Variants in TPR observed in about 807,000 individuals in gnomAD.
The protein encoded by TPR is translocated promoter region, nuclear basket protein.
In TPR, 51 loss-of-function variants were observed where a neutral mutation model predicts 316.1. The observed-to-expected ratio is 0.16, with a 90% CI of 0.13 to 0.20. TPR has a LOEUF of 0.20. Ranked by LOEUF, TPR falls within the 10% of genes least tolerant of loss-of-function variation. The pLI, the probability that TPR is intolerant of heterozygous loss-of-function variation, is 1.00. For missense variants in TPR, 2,272 were observed against 2,754.8 expected, an observed-to-expected ratio of 0.82 and a Z score of 3.92; for synonymous variants, 981 against 914.7, an observed-to-expected ratio of 1.07 and a Z score of -1.31.
At chr1:186,351,582 G>A (rs1658863332) in intron 19 of TPR, 112 bp from the exon 20 acceptor site, 3 of 1,148,758 alleles carry the variant, frequency 2.6e-6, no homozygotes, top group Non-Finnish European at 3.5e-6. Context: ...ACATGAAGCA[G>A]CTAAAATCTA....
chr1:186,354,394 T>TTAA (rs1219511915), intron 17 of TPR, among the ~76,000 whole-genome samples: 2 of 152,060 alleles, frequency 1.3e-5, no homozygotes, highest in Non-Finnish European at 2.9e-5. Flanking sequence ...TTATACAGGG[T>TTAA]TAGTGATGGA....
At chr1:186,341,455 G>A (rs964899434) in intron 27 of TPR, 66 bp from the exon 28 acceptor site, 4 of 1,507,046 alleles carry the variant, frequency 2.7e-6, no homozygotes, top group Non-Finnish European at 3.6e-6. Flanking sequence ...CTGTTCCTAT[G>A]AGCTCAAATC....
chr1:186,327,384 T>C (rs1658033584), intron 40 of TPR, 76 bp downstream of exon 40: 2 of 1,372,144 alleles, frequency 1.5e-6, no homozygotes, highest in African/African-American at 1.5e-5. Flanking sequence ...TTACAGCCAA[T>C]GCATTAGTAT....
intron 18 of TPR, 41 bp from the exon 19 acceptor site, chr1:186,352,151 A>T: frequency 6.4e-7 from 1 of 1,559,626 alleles, no homozygotes; most frequent in South Asian, 1.2e-5. Flanking sequence ...GCTGAAAAAC[A>T]TGGTGTCAAG....
intron 1 of TPR, 22 bp from the exon 2 acceptor site, chr1:186,373,485 CAA>C: frequency 6.6e-7 from 1 of 1,509,042 alleles, no homozygotes; most frequent in South Asian, 1.1e-5. Context: ...AAGCAAAAAA[CAA>C]AAAACAAAAT....
At chr1:186,343,288 G>T in intron 27 of TPR, 38 bp downstream of exon 27, 2 of 1,585,618 alleles carry the variant, frequency 1.3e-6, no homozygotes, top group South Asian at 1.2e-5. Flanking sequence ...CTTCTCTTTT[G>T]ATTTAACAAG....
At chr1:186,335,855 G>C (rs958052352) in intron 33 of TPR, among the ~76,000 whole-genome samples, 1 of 151,984 alleles carries the variant, frequency 6.6e-6, no homozygotes, top group Non-Finnish European at 1.5e-5. Flanking sequence ...ACTATGAATT[G>C]CAAAATTTTT....
rs1658359790 is a variant in TPR at position 186,337,065 on chromosome 1, T to C, written c.4454A>G (p.Gln1485Arg). The change falls in exon 32 of 51, where the codon CAA (glutamine) becomes CGA (arginine). Residue 1485 changes from glutamine to arginine, a missense_variant. Transcript: ENST00000367478. ...EMQELKETLN[Q>R]AETKSKSLES... ...AAGTGATTTTGATTTTGTTTCAGCT[T>C]GGTTGAGCGTTTCTTTGAGTTCCTG... is the stretch of plus-strand genomic sequence containing the variant. The C allele has an allele frequency of 1.2e-6, 2 of 1,613,942 alleles. No individual in the cohort carries two copies. Among genetic ancestry groups the C allele is most frequent in the Non-Finnish European group, 1.7e-6 (2 of 1,179,846 alleles).
Position 186,332,276 on chromosome 1 carries a change from T to C in TPR, c.5523A>G (p.Glu1841=). The stretch of plus-strand genomic sequence containing the variant: ...TATCATCAGAGACTTGGTCTGATGC[T>C]TCTATGGTGCTATCCTCTTCCTCTT... ...TREEEEDSTI[E]ASDQVSDDTV... Residue 1841 remains glutamate, a synonymous_variant, in exon 38 of 51, where the codon GAA becomes GAG. Transcript: ENST00000367478. 6.2e-7 allele frequency: 1 copy of C among 1,612,978 alleles called. No homozygotes were observed. The highest frequency in any genetic ancestry group is 1.3e-5 in the African/African-American group (1 of 74,976).
chr1:186,325,579 G>A, intron 42 of TPR, 185 bp downstream of exon 42: 1 of 484,840 alleles, frequency 2.1e-6, no homozygotes, highest in South Asian at 4.5e-5. Context: ...AGAGTATAAT[G>A]ACAGCACCTA....
chr1:186,355,599 TA>T (rs1285468431), intron 16 of TPR, 35 bp downstream of exon 16: 1 of 1,613,682 alleles, frequency 6.2e-7, no homozygotes, highest in Admixed American at 1.7e-5. Context: ...CTGTGTTCTC[TA>T]AAAACCTAAC....
chr1:186,323,718 C>G lies in TPR; in HGVS notation c.6265G>C (p.Ala2089Pro). The G allele has an allele frequency of 6.6e-7, 1 of 1,511,662 alleles. No homozygotes were observed. The highest frequency in any genetic ancestry group is 8.7e-7 in the Non-Finnish European group (1 of 1,143,928). 93.6% of individuals were successfully genotyped at this position (1,511,662 alleles called of 1,614,324 possible). ...HPLPPRLTIH[A>P]PPQELGPPVQ... ...GGTGGTCCCAACTCCTGAGGTGGGG[C>G]ATGAATGGTCAGTCTTGGGGGAAGT... The change falls in exon 43 of 51, where the codon GCC becomes CCC. Residue 2089 changes from alanine (A) to proline (P), a missense_variant. Ala to Pro is a conservative substitution (Grantham distance 27). Transcript: ENST00000367478.
chr1:186,332,756 C>A (rs1658207125), intron 37 of TPR, among the ~76,000 whole-genome samples: 1 of 152,054 alleles, frequency 6.6e-6, no homozygotes, highest in Non-Finnish European at 1.5e-5. Flanking sequence ...TCTTAGGTGT[C>A]TTTTAGTCCT....
intron 17 of TPR, among the ~76,000 whole-genome samples, chr1:186,355,038 G>A (rs2101978854): frequency 6.6e-6 from 1 of 152,180 alleles, no homozygotes; most frequent in East Asian, 1.9e-4. Flanking sequence ...TGAGTAGCTG[G>A]GATTACAAGC....
intron 21 of TPR, 91 bp downstream of exon 21, chr1:186,350,132 A>C: frequency 1.6e-6 from 2 of 1,215,252 alleles, no homozygotes; most frequent in Non-Finnish European, 2.2e-6. Context: ...TAGCATTCAC[A>C]AAGAATTAGG....
chr1:186,317,212 T>C (rs1405455703), intron 49 of TPR, among the ~76,000 whole-genome samples: 1 of 152,258 alleles, frequency 6.6e-6, no homozygotes, highest in East Asian at 1.9e-4. Flanking sequence ...AAACATATGT[T>C]GACAACCAAT....
At chr1:186,361,750 G>C in intron 8 of TPR, 39 bp downstream of exon 8, 1 of 1,612,796 alleles carries the variant, frequency 6.2e-7, no homozygotes, top group Non-Finnish European at 8.5e-7. Flanking sequence ...AGTCAACAAT[G>C]CAACATTTAG....
In TPR at chr1:186,374,997, C is replaced by A. The variant is rs1558047951; in HGVS notation, c.32G>T (p.Arg11Leu). The A allele has an allele frequency of 1.9e-6, 3 of 1,614,132 alleles. No individual in the cohort carries two copies. Among genetic ancestry groups the A allele is most frequent in the East Asian group, 2.2e-5 (1 of 44,880 alleles). MAAVLQQVLE[R>L]TELNKLPKSV... ...CTTGGGCAGCTTGTTCAGCTCCGTG[C>A]GCTCCAGGACTTGCTGCAACACCGC... The change falls in exon 1 of 51, where the codon CGC (arginine) becomes CTC (leucine). Residue 11 changes from arginine to leucine, a missense_variant. Physicochemically the swap from Arg to Leu is moderately radical, Grantham distance 102 (BLOSUM62 -2). Transcript: ENST00000367478.
chr1:186,356,936 T>C (rs1245687394), intron 14 of TPR, among the ~76,000 whole-genome samples: 1 of 152,236 alleles, frequency 6.6e-6, no homozygotes, highest in Non-Finnish European at 1.5e-5. Context: ...ATTACATCTG[T>C]CTTACCCATA....
Sources: gnomAD v4.1 joint callset for allele counts (sites outside exome capture counted in the v4.1 genomes callset) on GRCh38, gnomAD v4.1.1 for gene constraint, MANE v1.5 for transcripts, NCBI Gene and HGNC (gene_info 2026-07-23, HGNC 2026-07-21) for gene names.